The following ATM variants were observed in gnomAD, a reference collection of about 807,000 sequenced individuals.
ATM encodes ATM serine/threonine kinase.
Under a neutral mutation model 387.0 loss-of-function variants are expected in ATM, and 308 were observed. That is an observed-to-expected ratio of 0.80 (90% CI 0.73 to 0.87). ATM has a LOEUF of 0.87. Ranked by LOEUF, ATM falls within the 40% of genes least tolerant of loss-of-function variation. The pLI is 0.00. For missense variants in ATM, 3,312 were observed against 3,560.9 expected (o/e 0.93, Z 1.78); for synonymous variants, 1,156 against 1,187.3 (o/e 0.97, Z 0.54).
At chr11:108,253,487 A>T (rs1330912048) in intron 12 of ATM, among the ~76,000 whole-genome samples, 3 of 152,058 alleles carry the variant, frequency 2.0e-5, no homozygotes, top group African/African-American at 7.2e-5. Context: ...CTTGGTGAAA[A>T]AAGGGATATG....
Position 108,345,905 on chromosome 11 carries a change from A to G in ATM, c.8581A>G (p.Ile2861Val), listed in dbSNP as rs1555138472. 6.2e-7 allele frequency: 1 copy of G among 1,613,444 alleles called. No individual in the cohort carries two copies. Among genetic ancestry groups the G allele is most frequent in the Non-Finnish European group, 8.5e-7 (1 of 1,179,688 alleles). The change falls in exon 58 of 63, where the codon ATT becomes GTT. Residue 2861 changes from isoleucine to valine, a missense_variant. This residue lies in a region of ATM where 1,405 missense variants were observed against 1,604.4 expected (regional missense o/e 0.88). Transcript: ENST00000675843. Reference sequence around the variant, plus strand: ...TACGCGCAGTGTAGCTACTTCTTCTATTGGTAATCTTCTTGTACATATAGT... The same window carrying G: ...TACGCGCAGTGTAGCTACTTCTTCTGTTGGTAATCTTCTTGTACATATAGT... ...AYTRSVATSS[I>V]VGYILGLGDR... is the part of the protein sequence containing the mutation.
chr11:108,245,306 C>A (rs1178361042), intron 7 of ATM, among the ~76,000 whole-genome samples: 1 of 152,086 alleles, frequency 6.6e-6, no homozygotes, highest in Non-Finnish European at 1.5e-5. Flanking sequence ...ACTTATGCAT[C>A]AATACTTAGA....
At chr11:108,301,227 TAAG>T (rs1216521829) in intron 34 of ATM, among the ~76,000 whole-genome samples, 4 of 152,208 alleles carry the variant, frequency 2.6e-5, no homozygotes, top group African/African-American at 9.7e-5. Flanking sequence ...GACTTCAACT[TAAG>T]AATACTAGGA....
At chr11:108,280,102 T>C (rs2082154260) in intron 23 of ATM, among the ~76,000 whole-genome samples, 1 of 152,214 alleles carries the variant, frequency 6.6e-6, no homozygotes, top group East Asian at 1.9e-4. Context: ...CTGGTTTGTT[T>C]CTTACAAGTA....
At position 108,327,770 on chromosome 11, in the gene ATM, G is replaced by T. The variant is rs779420244; in HGVS notation, c.7089+12G>T. 4 of 1,586,856 alleles carry T rather than the reference G, an allele frequency of 2.5e-6. No homozygotes were observed. The South Asian group carries it at 4.4e-5, about 18-fold the overall frequency. ...CCTATCTAGAAAAGGTAAGATTTTT[G>T]GAGCAACCCTTAAGATAGTTACTTA... On this transcript the variant is annotated intron_variant, in intron 48 of 62. Transcript: ENST00000675843.
Position 108,256,374 on chromosome 11 carries a change from A to C in ATM, c.2250+34A>C, listed in dbSNP as rs3218705. ...ATTTATACTAATAAAGTTTCGGATA[A>C]ATTTGAATGAAATGTATTCCTGTGA... On this transcript the variant is annotated intron_variant, in intron 14 of 62. Coordinates refer to ENST00000675843, the MANE Select transcript of ATM (RefSeq NM_000051.4). 10,223 of 1,586,872 alleles carry C rather than the reference A, an allele frequency of 6.4e-3. 49 individuals carry two copies. Among genetic ancestry groups the C allele is most frequent in the Non-Finnish European group, 7.7e-3 (8,915 of 1,159,596 alleles).
rs34325032 is a variant in ATM, at chr11:108,250,683, CT to C, written c.1236-3del. 0.094 allele frequency: 132,789 copies of C among 1,407,478 alleles called. No homozygotes were observed. Among genetic ancestry groups the C allele is most frequent in the East Asian group, 0.13 (5,231 of 39,822 alleles). The allele number at this position is 1,407,478 out of a possible 1,614,324, so 87.2% of individuals were successfully genotyped here. ...GTGATGGAATAGTTTTCAAATTATC[CT>C]TTTTTTTTTTTTTTAGGCTACAGAT... On this transcript the variant is annotated splice_polypyrimidine_tract_variant and intron_variant, in intron 9 of 62. Coordinates refer to ENST00000675843, the MANE Select transcript of ATM (RefSeq NM_000051.4).
At chr11:108,344,315 T>C (rs1343229049) in intron 57 of ATM, among the ~76,000 whole-genome samples, 1 of 152,080 alleles carries the variant, frequency 6.6e-6, no homozygotes, top group African/African-American at 2.4e-5. Context: ...AGCCGAGTTT[T>C]GTAAATGAGT....
chr11:108,229,436 A>G (rs2135043475), intron 4 of ATM, 113 bp downstream of exon 4: 1 of 1,071,466 alleles, frequency 9.3e-7, no homozygotes, highest in Non-Finnish European at 1.4e-6. Flanking sequence ...TTTGTTCTAA[A>G]TAGAATAAGA....
At chr11:108,261,980 A>C (rs965633408) in intron 16 of ATM, among the ~76,000 whole-genome samples, 6 of 152,206 alleles carry the variant, frequency 3.9e-5, no homozygotes, top group African/African-American at 1.4e-4. Context: ...ATATGGGACT[A>C]TGGGAAAAGA....
intron 31 of ATM, among the ~76,000 whole-genome samples, chr11:108,294,244 G>C (rs926436081): frequency 3.3e-5 from 5 of 152,074 alleles, no homozygotes; most frequent in African/African-American, 1.2e-4. Flanking sequence ...TCGAAATTAT[G>C]TTTAGGTATA....
chr11:108,266,527 C>T (rs1336370499), intron 16 of ATM, among the ~76,000 whole-genome samples: 5 of 149,792 alleles, frequency 3.3e-5, no homozygotes, highest in Admixed American at 2.7e-4. Flanking sequence ...GGAGATATAC[C>T]TAATGCTAGA....
intron 61 of ATM, among the ~76,000 whole-genome samples, 183 bp from the exon 62 acceptor site, chr11:108,364,899 G>A (rs2091172271): frequency 6.6e-6 from 1 of 152,238 alleles, no homozygotes; most frequent in African/African-American, 2.4e-5. Context: ...AATGAAATGA[G>A]AAGCTTGGAG....
chr11:108,274,995 G>T (rs1773480470), intron 22 of ATM, among the ~76,000 whole-genome samples: 1 of 152,160 alleles, frequency 6.6e-6, no homozygotes, highest in Non-Finnish European at 1.5e-5. Context: ...ATTATTGTGT[G>T]GAAGTCTAAG....
At position 108,271,126 on chromosome 11, in the gene ATM, T is replaced by G. The variant is rs778731866; in HGVS notation, c.2901T>G (p.Leu967=). The G allele has an allele frequency of 6.2e-7, 1 of 1,614,144 alleles. No homozygotes were observed. The highest frequency in any genetic ancestry group is 2.2e-5 in the East Asian group (1 of 44,876). ...EEYPLPMEDV[L]ELLKPLSNVC... is the part of the protein sequence containing the mutation. ...ACCCCTTGCCAATGGAAGATGTTCT[T>G]GAACTTCTGAAACCACTATCGTAAG... The change falls in exon 19 of 63, where the codon CTT becomes CTG. Residue 967 remains leucine, a synonymous_variant. Transcript: ENST00000675843.
At chr11:108,348,047 G>A (rs1278298030) in intron 59 of ATM, among the ~76,000 whole-genome samples, 1 of 152,182 alleles carries the variant, frequency 6.6e-6, no homozygotes, top group African/African-American at 2.4e-5. Flanking sequence ...TGAGGAAATA[G>A]TGGGGGAGTG....
chr11:108,308,826 G>C (rs1384964008), intron 38 of ATM: 1 of 556,378 alleles, frequency 1.8e-6, no homozygotes, highest in Non-Finnish European at 3.2e-6. Context: ...ATGCTTTTCA[G>C]TGTCTTTGCT....
At chr11:108,256,486 C>A in intron 14 of ATM, 146 bp downstream of exon 14, 1 of 746,226 alleles carries the variant, frequency 1.3e-6, no homozygotes, top group South Asian at 1.9e-5. Context: ...AGAAATTATA[C>A]TATGTATTTT....
At chr11:108,311,303 C>G (rs1316828549) in intron 39 of ATM, among the ~76,000 whole-genome samples, 2 of 152,040 alleles carry the variant, frequency 1.3e-5, no homozygotes, top group Admixed American at 1.3e-4. Flanking sequence ...CGGTTATACC[C>G]ATTTGTGTAC....
Sources: allele counts gnomAD v4.1 joint callset (sites outside exome capture counted in the v4.1 genomes callset), GRCh38; gene constraint gnomAD v4.1.1; regional missense constraint gnomAD v4.1.1; transcripts MANE v1.5; gene names NCBI Gene and HGNC (gene_info 2026-07-23, HGNC 2026-07-21).